Variants in ADAMTS20 observed in about 807,000 individuals in gnomAD.
ADAMTS20 encodes A disintegrin and metalloproteinase with thrombospondin motifs 20.
In ADAMTS20, 225 loss-of-function variants were observed where a neutral mutation model predicts 260.1. The observed-to-expected ratio is 0.87, with a 90% CI of 0.78 to 0.97. The LOEUF is 0.97. ADAMTS20 is among the 50% of genes least tolerant of loss of function. ADAMTS20 has a pLI of 0.00. For synonymous variants in ADAMTS20, 802 were observed against 769.5 expected, an observed-to-expected ratio of 1.04 and a Z score of -0.70; for missense variants, 2,400 against 2,337.7, an observed-to-expected ratio of 1.03 and a Z score of -0.55.
intron 9 of ADAMTS20, 46 bp from the exon 10 acceptor site, chr12:43,464,778 C>A: frequency 6.4e-7 from 1 of 1,555,994 alleles, no homozygotes; most frequent in Non-Finnish European, 8.7e-7. Context: ...CACATGGATG[C>A]ATTCCAGTAT....
intron 24 of ADAMTS20, 65 bp downstream of exon 24, chr12:43,429,552 C>G (rs983365458): frequency 1.8e-6 from 2 of 1,110,500 alleles, no homozygotes; most frequent in African/African-American, 3.2e-5. Context: ...CTCTAGCAAC[C>G]ATTTTGTTGA....
intron 7 of ADAMTS20, among the ~76,000 whole-genome samples, chr12:43,489,391 C>T (rs997912231): frequency 1.3e-5 from 2 of 151,894 alleles, no homozygotes; most frequent in African/African-American, 4.8e-5. Context: ...ATCAAGAATA[C>T]CTGAAAAGCA....
intron 28 of ADAMTS20, among the ~76,000 whole-genome samples, chr12:43,419,509 C>T (rs368112203): frequency 1.3e-5 from 2 of 152,034 alleles, no homozygotes; most frequent in Non-Finnish European, 2.9e-5. Context: ...ATATACAGCA[C>T]ATAGATATTG....
At chr12:43,546,861 AC>A (rs1490026823) in intron 2 of ADAMTS20, among the ~76,000 whole-genome samples, 1 of 151,632 alleles carries the variant, frequency 6.6e-6, no homozygotes, top group African/African-American at 2.4e-5. Context: ...ATGAATAAAT[AC>A]TTACACTTAT....
At chr12:43,416,438 T>C (rs1426245303) in intron 28 of ADAMTS20, among the ~76,000 whole-genome samples, 2 of 152,138 alleles carry the variant, frequency 1.3e-5, no homozygotes, top group East Asian at 3.8e-4. Context: ...ATGGCCTTAA[T>C]TCATATTTCT....
intron 37 of ADAMTS20, among the ~76,000 whole-genome samples, chr12:43,363,644 T>C (rs557534436): frequency 4.6e-5 from 7 of 152,324 alleles, no homozygotes; most frequent in Admixed American, 1.3e-4. Context: ...TTTCCTATTG[T>C]GACTAGCTTA....
intron 3 of ADAMTS20, among the ~76,000 whole-genome samples, chr12:43,530,403 C>A (rs1327391037): frequency 6.6e-6 from 1 of 152,052 alleles, no homozygotes; most frequent in Non-Finnish European, 1.5e-5. Context: ...TTCTTTGAAG[C>A]CATAAAAATG....
chr12:43,492,895 T>G (rs1211378860), intron 5 of ADAMTS20, among the ~76,000 whole-genome samples: 1 of 152,208 alleles, frequency 6.6e-6, no homozygotes, highest in Non-Finnish European at 1.5e-5. Flanking sequence ...TTCTAAATCC[T>G]CTGACATTAG....
In ADAMTS20 at chr12:43,549,584, G is replaced by A. The variant is rs570628426; in HGVS notation, c.453+1325C>T. On this transcript the variant is annotated intron_variant, in intron 2 of 38. Transcript: ENST00000389420. Reference sequence around the variant, plus strand: ...TTCCATGAGAAAACATAATGACCATGACAAATTTGTGGTAGCAAGTCTAGG... The same window carrying A: ...TTCCATGAGAAAACATAATGACCATAACAAATTTGTGGTAGCAAGTCTAGG... Among the ~76,000 whole-genome samples, 4 of 152,230 alleles carry A rather than the reference G, an allele frequency of 2.6e-5. No homozygotes were observed. In the East Asian group the frequency reaches 7.7e-4, roughly 29 times the overall value.
intron 2 of ADAMTS20, 110 bp from the exon 3 acceptor site, chr12:43,532,305 G>A (rs1943234155): frequency 3.2e-6 from 3 of 931,638 alleles, no homozygotes; most frequent in Non-Finnish European, 4.7e-6. Context: ...CAAGGAGTCT[G>A]TTCACTAAGA....
intron 28 of ADAMTS20, among the ~76,000 whole-genome samples, chr12:43,419,503 A>T (rs1211133961): frequency 1.3e-5 from 2 of 152,210 alleles, no homozygotes; most frequent in African/African-American, 4.8e-5. Context: ...GCCTCAATAT[A>T]CAGCACATAG....
chr12:43,522,980 A>C (rs1943092410), intron 3 of ADAMTS20, among the ~76,000 whole-genome samples: 1 of 152,222 alleles, frequency 6.6e-6, no homozygotes, highest in Non-Finnish European at 1.5e-5. Context: ...CAACAGAAAT[A>C]CTGTATCAGA....
At position 43,439,922 on chromosome 12, in the gene ADAMTS20, C is replaced by A. The variant is rs142203536; in HGVS notation, c.2438G>T (p.Arg813Leu). The change falls in exon 17 of 39, where the codon CGA (arginine) becomes CTA (leucine). Residue 813 changes from arginine to leucine, a missense_variant. Physicochemically the swap from Arg to Leu is moderately radical, Grantham distance 102. Coordinates refer to ENST00000389420, the MANE Select transcript of ADAMTS20 (RefSeq NM_025003.5). ...CTGCAAAATAAGTTCTTTCTCTTGT[C>A]GATTAGTACTATTAATTCTTTCAAC... ...NAVERINSTN[R>L]QEKELILQVL... The A allele has an allele frequency of 6.2e-7, 1 of 1,605,902 alleles. No individual in the cohort carries two copies. Among genetic ancestry groups the A allele is most frequent in the Admixed American group, 1.7e-5 (1 of 58,884 alleles).
Position 43,430,341 on chromosome 12 carries a change from A to T in ADAMTS20, c.3381+11T>A, listed in dbSNP as rs1319213911. On this transcript the variant is annotated intron_variant, in intron 23 of 38. Coordinates refer to ENST00000389420, the MANE Select transcript of ADAMTS20 (RefSeq NM_025003.5). ...TAAATCTTTTTGTTTGTAAACCATG[A>T]TTCTTTTTACCTGTCTGTCACTGGG... 3 of 1,608,130 alleles carry T rather than the reference A, an allele frequency of 1.9e-6. No individual in the cohort carries two copies. The Admixed American group carries it at 5.1e-5, about 27-fold the overall frequency.
intron 29 of ADAMTS20, among the ~76,000 whole-genome samples, chr12:43,388,019 C>T (rs776916297): frequency 1.1e-4 from 16 of 152,060 alleles, no homozygotes; most frequent in Middle Eastern, 3.2e-3. Context: ...GCTTCAGCCC[C>T]CTTTCCATGG....
intron 31 of ADAMTS20, among the ~76,000 whole-genome samples, chr12:43,377,858 C>T (rs185325028): frequency 7.5e-4 from 114 of 152,136 alleles, no homozygotes; most frequent in African/African-American, 2.7e-3. Flanking sequence ...GAAACTATAT[C>T]TCCCAATAGG....
At chr12:43,403,551 C>T (rs1439495395) in intron 28 of ADAMTS20, among the ~76,000 whole-genome samples, 1 of 151,982 alleles carries the variant, frequency 6.6e-6, no homozygotes, top group Non-Finnish European at 1.5e-5. Flanking sequence ...AAACTGTGCC[C>T]TTTATAGATT....
chr12:43,379,636 T>A (rs899723111), intron 31 of ADAMTS20, among the ~76,000 whole-genome samples: 1 of 152,282 alleles, frequency 6.6e-6, no homozygotes, highest in Admixed American at 6.5e-5. Context: ...TTAAGGAAAT[T>A]ACTGTCTAGT....
chr12:43,509,454 A>G (rs1392167239), intron 3 of ADAMTS20, among the ~76,000 whole-genome samples: 4 of 152,150 alleles, frequency 2.6e-5, no homozygotes, highest in Non-Finnish European at 5.9e-5. Flanking sequence ...TAATTGAACA[A>G]TTTAGAAGAG....
Sources: gnomAD v4.1 joint callset for allele counts (sites outside exome capture counted in the v4.1 genomes callset) on GRCh38, gnomAD v4.1.1 for gene constraint, MANE v1.5 for transcripts, NCBI Gene and HGNC (gene_info 2026-07-23, HGNC 2026-07-21) for gene names.